Variants in SYN3 observed in about 807,000 individuals in gnomAD.
SYN3 encodes synapsin-3.
Under a neutral mutation model 65.8 loss-of-function variants are expected in SYN3, and 35 were observed. That is an observed-to-expected ratio of 0.53 (90% CI 0.41 to 0.70). The LOEUF is 0.70. Ranked by LOEUF, SYN3 falls within the 30% of genes least tolerant of loss-of-function variation. SYN3 has a pLI of 0.00. For synonymous variants in SYN3, 270 were observed against 292.9 expected (o/e 0.92, Z 0.80); for missense variants, 680 against 749.0 (o/e 0.91, Z 1.08).
At chr22:32,761,829 C>T (rs1462318395) in intron 6 of SYN3, among the ~76,000 whole-genome samples, 1 of 152,180 alleles carries the variant, frequency 6.6e-6, no homozygotes, top group Non-Finnish European at 1.5e-5. Context: ...AACCCTCAAA[C>T]ATTAGTGTCT....
chr22:32,950,236 C>T (rs1490117279), intron 3 of SYN3, among the ~76,000 whole-genome samples: 1 of 152,152 alleles, frequency 6.6e-6, no homozygotes, highest in East Asian at 1.9e-4. Flanking sequence ...CTCTCAGCAC[C>T]TCTCCTAATG....
intron 6 of SYN3, among the ~76,000 whole-genome samples, chr22:32,814,320 A>AAAGAAAGAAAGAAAGAAAGAAAGAAAGG (rs1403362319): frequency 3.5e-5 from 5 of 144,704 alleles, no homozygotes; most frequent in African/African-American, 1.1e-4. Context: ...AGAGAGACAG[A>AAAGAAAGAAAGAAAGAAAGAAAGAAAGG]AAGAAAGAAA....
In SYN3 at chr22:33,006,339, A is replaced by T. The variant is rs778828941; in HGVS notation, c.311+13T>A. 1 of 1,582,452 alleles carries T rather than the reference A, an allele frequency of 6.3e-7. No individual in the cohort carries two copies. Among genetic ancestry groups the T allele is most frequent in the South Asian group, 1.1e-5 (1 of 88,078 alleles). On this transcript the variant is annotated intron_variant, in intron 2 of 13. Coordinates refer to ENST00000358763, the MANE Select transcript of SYN3 (RefSeq NM_003490.4). ...GCCCCAGAAGGTGGTAGCACTTGCAAATTCCTACTTACCAGTCTGTATGGG... is the reference window on the plus strand; with the variant it reads ...GCCCCAGAAGGTGGTAGCACTTGCATATTCCTACTTACCAGTCTGTATGGG...
chr22:32,992,070 C>T (rs2052731823), intron 2 of SYN3, among the ~76,000 whole-genome samples: 1 of 151,484 alleles, frequency 6.6e-6, no homozygotes, highest in Non-Finnish European at 1.5e-5. Context: ...GAAAAAAGGT[C>T]ACTTGGAGGG....
At chr22:32,711,633 T>C (rs1413834038) in intron 6 of SYN3, among the ~76,000 whole-genome samples, 3 of 152,216 alleles carry the variant, frequency 2.0e-5, no homozygotes, top group Non-Finnish European at 4.4e-5. Context: ...TAACTGCCTA[T>C]GCCTCTTCCT....
In SYN3 at chr22:32,542,300, G is replaced by A. The variant is rs541518210; in HGVS notation, c.775-587C>T. 7.2e-4 allele frequency among the ~76,000 whole-genome samples: 109 copies of A among 152,192 alleles called. 1 individual carries two copies. In the South Asian group the frequency reaches 0.02, roughly 28 times the overall value. On this transcript the variant is annotated intron_variant, in intron 7 of 13. Transcript: ENST00000358763. The stretch of plus-strand genomic sequence containing the variant: ...GAGGGGCCATTAGGAAGAAGGGAGC[G>A]TGCATGTGTGCATGGTGTGTATGTG...
intron 6 of SYN3, among the ~76,000 whole-genome samples, chr22:32,613,160 T>A (rs1601759529): frequency 1.3e-5 from 2 of 152,240 alleles, no homozygotes; most frequent in African/African-American, 2.4e-5. Flanking sequence ...CCTGTGGAAC[T>A]GTGACTCAAT....
intron 6 of SYN3, among the ~76,000 whole-genome samples, chr22:32,708,851 G>C (rs2060915983): frequency 6.6e-6 from 1 of 152,236 alleles, no homozygotes; most frequent in Admixed American, 6.5e-5. Flanking sequence ...GGGCCCTTGA[G>C]CCAGCCATTT....
At chr22:32,904,898 C>T (rs1486272416) in intron 4 of SYN3, among the ~76,000 whole-genome samples, 2 of 152,186 alleles carry the variant, frequency 1.3e-5, no homozygotes, top group Admixed American at 1.3e-4. Context: ...AATGAATTAA[C>T]TTCCCTCCTG....
chr22:32,530,426 C>A (rs130459), intron 10 of SYN3, among the ~76,000 whole-genome samples: 1 of 151,880 alleles, frequency 6.6e-6, no homozygotes, highest in Non-Finnish European at 1.5e-5. Context: ...TGGCAACCCA[C>A]GGTCCTCCCA....
chr22:32,623,151 G>C (rs1035339484), intron 6 of SYN3, among the ~76,000 whole-genome samples: 2 of 152,018 alleles, frequency 1.3e-5, no homozygotes, highest in Non-Finnish European at 2.9e-5. Context: ...AGTTGTCACA[G>C]ATTGTCAAAG....
rs118071878 is a variant in SYN3, at chr22:32,837,707, A to G, written c.711+27208T>C. 1.4e-3 allele frequency among the ~76,000 whole-genome samples: 206 copies of G among 152,238 alleles called. No homozygotes were observed. Among genetic ancestry groups the G allele is most frequent in the Admixed American group, 3.6e-3 (55 of 15,292 alleles). On this transcript the variant is annotated intron_variant, in intron 6 of 13. Coordinates refer to ENST00000358763, the MANE Select transcript of SYN3 (RefSeq NM_003490.4). The surrounding 1 kb of genome is among the most constrained non-coding windows in gnomAD (Gnocchi z 4.1). ...TTGGACACCCATTTGGATACATGCAATCCTAAAGTCTATGGGCAGTGACAG... is the reference window on the plus strand; with the variant it reads ...TTGGACACCCATTTGGATACATGCAGTCCTAAAGTCTATGGGCAGTGACAG...
At chr22:32,951,168 T>G (rs2051277699) in intron 3 of SYN3, among the ~76,000 whole-genome samples, 1 of 152,152 alleles carries the variant, frequency 6.6e-6, no homozygotes, top group Non-Finnish European at 1.5e-5. Flanking sequence ...AGGTCTCACA[T>G]GATTTACTCT....
chr22:32,569,557 CTCTCTCTCTCTCTCTA>C (rs202036935), intron 7 of SYN3, among the ~76,000 whole-genome samples: 10,683 of 76,554 alleles, frequency 0.14, 507 homozygotes, highest in East Asian at 0.42. Context: ...CTCTCTCTCT[CTCTCTCTCTCTCTCTA>C]TATATATATA....
chr22:32,678,554 ATCC>A (rs1459997962), intron 6 of SYN3, among the ~76,000 whole-genome samples: 1 of 141,714 alleles, frequency 7.1e-6, no homozygotes, highest in Non-Finnish European at 1.5e-5. Context: ...CTCCTCCTTC[ATCC>A]TCCTCCTCCT....
chr22:33,002,463 G>A (rs1322184461), intron 2 of SYN3, among the ~76,000 whole-genome samples: 1 of 152,100 alleles, frequency 6.6e-6, no homozygotes, highest in Admixed American at 6.5e-5. Context: ...CTAACATGGT[G>A]AAACCCTGTC....
At chr22:32,550,461 A>G (rs185663630) in intron 7 of SYN3, among the ~76,000 whole-genome samples, 345 of 152,062 alleles carry the variant, frequency 2.3e-3, no homozygotes, top group Admixed American at 4.4e-3. Context: ...ATAAAATTTT[A>G]TTCAACTTGT....
At chr22:32,569,571 C>CTCTA (rs1205661126) in intron 7 of SYN3, among the ~76,000 whole-genome samples, 30 of 90,936 alleles carry the variant, frequency 3.3e-4, no homozygotes, top group South Asian at 1.5e-3. Flanking sequence ...CTCTCTCTCT[C>CTCTA]TATATATATA....
At chr22:32,763,860 ATAG>A (rs1418117622) in intron 6 of SYN3, among the ~76,000 whole-genome samples, 2 of 152,146 alleles carry the variant, frequency 1.3e-5, no homozygotes, top group East Asian at 3.9e-4. Flanking sequence ...GCAGGCTGAG[ATAG>A]TAGGGGGAGG....
Sources: allele counts gnomAD v4.1 joint callset (sites outside exome capture counted in the v4.1 genomes callset), GRCh38; gene constraint gnomAD v4.1.1; non-coding constraint Gnocchi (gnomAD v3.1); transcripts MANE v1.5; gene names NCBI Gene and HGNC (gene_info 2026-07-23, HGNC 2026-07-21).